ABCC2: variants seen among roughly 807,000 people sequenced by gnomAD.
The protein encoded by ABCC2 is ATP binding cassette subfamily C member 2, also known as ATP-binding cassette sub-family C member 2.
In ABCC2, 157 loss-of-function variants were observed where a neutral mutation model predicts 173.4. The observed-to-expected ratio is 0.91, with a 90% CI of 0.80 to 1.03. The LOEUF (loss-of-function observed/expected upper bound fraction) is 1.03. Ranked by LOEUF, ABCC2 falls within the 50% of genes least tolerant of loss-of-function variation. The pLI, the probability that ABCC2 is intolerant of heterozygous loss-of-function variation, is 0.00. For synonymous variants in ABCC2, 657 were observed against 693.5 expected (o/e 0.95, Z 0.83); for missense variants, 1,822 against 1,852.3 (o/e 0.98, Z 0.30).
chr10:99,784,504 A>G (rs1478817240), intron 1 of ABCC2, 104 bp from the exon 2 acceptor site: 2 of 1,188,550 alleles, frequency 1.7e-6, no homozygotes, highest in Non-Finnish European at 2.5e-6. Flanking sequence ...GGATATGGAT[A>G]TGGAGTTGAA....
At chr10:99,846,016 A>T (rs970981199) in intron 29 of ABCC2, among the ~76,000 whole-genome samples, 1 of 152,220 alleles carries the variant, frequency 6.6e-6, no homozygotes, top group Non-Finnish European at 1.5e-5. Flanking sequence ...AACACAACAG[A>T]AGTCAAGTAC....
At chr10:99,849,241 G>A (rs72838143) in intron 30 of ABCC2, among the ~76,000 whole-genome samples, 13,341 of 152,188 alleles carry the variant, frequency 0.088, 850 homozygotes, top group Middle Eastern at 0.18. Flanking sequence ...GAAAATATAT[G>A]TACACCTACT....
At chr10:99,819,568 C>T (rs1426299665) in intron 19 of ABCC2, among the ~76,000 whole-genome samples, 3 of 152,138 alleles carry the variant, frequency 2.0e-5, no homozygotes, top group African/African-American at 7.2e-5. Flanking sequence ...GGAAGAAACA[C>T]CAGTGGCACA....
Position 99,814,193 on chromosome 10 carries a change from A to ATGTGTATATATACACACG in ABCC2, c.2094+1066_2094+1067insGTGTGTATATATACACAC, listed in dbSNP as rs1564683551. On this transcript the variant is annotated intron_variant, in intron 16 of 31. Transcript: ENST00000647814. ...TATACACACATGTATGTATACACAC[A>ATGTGTATATATACACACG]TGTGTATATATACACACATGTGTAT... 1.3e-4 allele frequency among the ~76,000 whole-genome samples: 5 copies of ATGTGTATATATACACACG among 37,436 alleles called. 1 individual carries two copies. The highest frequency in any genetic ancestry group is 2.0e-4 in the African/African-American group (2 of 10,148). 24.6% of individuals were successfully genotyped at this position (37,436 alleles called of 152,430 possible). A position where few individuals can be genotyped will look rare whatever the true frequency, so the allele number is the denominator to read the frequency against.
rs187490316 is a variant in ABCC2, at chr10:99,843,856, G to T, written c.3799G>T (p.Val1267Leu). 6 of 1,614,178 alleles carry T rather than the reference G, an allele frequency of 3.7e-6. No individual in the cohort carries two copies. The African/African-American group carries it at 5.3e-5, about 14-fold the overall frequency. ...RMTSEIETNI[V>L]AVERITEYTK... is the part of the protein sequence containing the mutation. ...GACATCAGAAATAGAGACCAACATT[G>T]TGGCTGTTGAGCGAATAACTGAGTA... Residue 1267 changes from valine to leucine, a missense_variant, in exon 27 of 32, where the codon GTG (valine) becomes TTG (leucine). By Grantham distance (32) the Val-to-Leu change is conservative. Transcript: ENST00000647814.
chr10:99,851,710 A>T lies in ABCC2; in HGVS notation c.*79A>T, dbSNP rs74155707. The T allele has an allele frequency of 2.5e-4, 332 of 1,338,084 alleles. 1 individual carries two copies. The African/African-American group carries it at 4.6e-3, about 19-fold the overall frequency. 82.9% of individuals were successfully genotyped at this position (1,338,084 alleles called of 1,614,324 possible). A position where few individuals can be genotyped will look rare whatever the true frequency, so the allele number is the denominator to read the frequency against. On this transcript the variant is annotated 3_prime_UTR_variant, in exon 32 of 32. Coordinates refer to ENST00000647814, the MANE Select transcript of ABCC2 (RefSeq NM_000392.5). Reference sequence around the variant, plus strand: ...TTATTTTTTATAAAATACAGAATACATACAAAAGTGTGTATAAAATGTACG... The same window carrying T: ...TTATTTTTTATAAAATACAGAATACTTACAAAAGTGTGTATAAAATGTACG...
chr10:99,843,805 C>CA lies in ABCC2; in HGVS notation c.3751dup (p.Thr1251AsnfsTer20). 1.2e-6 allele frequency: 2 copies of CA among 1,613,918 alleles called. No individual in the cohort carries two copies. The highest frequency in any genetic ancestry group is 1.7e-6 in the Non-Finnish European group (2 of 1,179,836). ...TCTTCTGGTTTTTCTGTAGATCACA[C>CA]AAACCCTGAACTGGCTGGTGAGGAT... is the stretch of plus-strand genomic sequence containing the variant. On this transcript the variant is annotated frameshift_variant, in exon 27 of 32. Transcript: ENST00000647814. LOFTEE classifies it high-confidence loss of function.
At chr10:99,814,314 TACACACGTATGTATAC>T (rs1247265802) in intron 16 of ABCC2, among the ~76,000 whole-genome samples, 1 of 60,564 alleles carries the variant, frequency 1.7e-5, no homozygotes, top group Non-Finnish European at 3.4e-5. Flanking sequence ...CACATGTATA[TACACACGTATGTATAC>T]ACACATGTAT....
intron 16 of ABCC2, among the ~76,000 whole-genome samples, chr10:99,814,339 A>G (rs1159160283): frequency 1.4e-5 from 2 of 140,722 alleles, no homozygotes; most frequent in Non-Finnish European, 3.2e-5. Context: ...ACACACATGT[A>G]TATATACACA....
chr10:99,847,990 G>T (rs2039042256), intron 30 of ABCC2, among the ~76,000 whole-genome samples: 1 of 152,200 alleles, frequency 6.6e-6, no homozygotes, highest in Admixed American at 6.5e-5. Flanking sequence ...CACAATGTGA[G>T]CTTACACATC....
chr10:99,827,250 A>C (rs2038659807), intron 19 of ABCC2, among the ~76,000 whole-genome samples: 1 of 152,096 alleles, frequency 6.6e-6, no homozygotes, highest in Admixed American at 6.5e-5. Context: ...TGTTACGGGC[A>C]CCTGACCTGC....
chr10:99,804,348 C>A, intron 10 of ABCC2, 75 bp downstream of exon 10: 7 of 1,595,924 alleles, frequency 4.4e-6, no homozygotes, highest in Non-Finnish European at 6.0e-6. Flanking sequence ...TACTCTAATT[C>A]TTAATGGGAG....
In ABCC2 at chr10:99,836,158, C is replaced by T. The variant is rs1419843363; in HGVS notation, c.3482C>T (p.Ser1161Phe). The change falls in exon 25 of 32, where the codon TCT becomes TTT. Residue 1161 changes from serine to phenylalanine, a missense_variant. Coordinates refer to ENST00000647814, the MANE Select transcript of ABCC2 (RefSeq NM_000392.5). ...LDSVTRSPIYSHFSETVSGLP... is the reference protein window; with the variant it reads ...LDSVTRSPIYFHFSETVSGLP... Reference sequence around the variant, plus strand: ...TCTGTCACCAGGTCCCCAATCTACTCTCACTTCAGCGAGACCGTATCAGGT... The same window carrying T: ...TCTGTCACCAGGTCCCCAATCTACTTTCACTTCAGCGAGACCGTATCAGGT... The T allele has an allele frequency of 2.5e-6, 4 of 1,614,086 alleles. No homozygotes were observed. The highest frequency in any genetic ancestry group is 3.4e-6 in the Non-Finnish European group (4 of 1,180,052).
rs142715085 is a variant in ABCC2, at chr10:99,834,419, C to A, written c.3298C>A (p.Arg1100Ser). 1.7e-4 allele frequency: 271 copies of A among 1,614,008 alleles called. No homozygotes were observed. Among genetic ancestry groups the A allele is most frequent in the Middle Eastern group, 3.3e-4 (2 of 6,084 alleles). ...GGATGACACCCTGCCTCAGTCCTTG[C>A]GCAGCTGGATTACATGCTTCCTGGG... The part of the protein sequence containing the change: ...TVDDTLPQSL[R>S]SWITCFLGII... The change falls in exon 24 of 32, where the codon CGC becomes AGC. Residue 1100 changes from arginine to serine, a missense_variant. Arg to Ser is a moderately radical substitution (Grantham distance 110). Coordinates refer to ENST00000647814, the MANE Select transcript of ABCC2 (RefSeq NM_000392.5).
At chr10:99,800,664 T>C in intron 9 of ABCC2, 101 bp downstream of exon 9, 2 of 1,351,270 alleles carry the variant, frequency 1.5e-6, no homozygotes, top group Non-Finnish European at 1.1e-6. Flanking sequence ...GTAACTTATC[T>C]CAACACTTAA....
rs770712734 is a variant in ABCC2 at position 99,845,614 on chromosome 10, A to G, written c.3988-10A>G. The G allele has an allele frequency of 5.0e-6, 8 of 1,613,924 alleles. No homozygotes were observed. Among genetic ancestry groups the G allele is most frequent in the South Asian group, 4.4e-5 (4 of 91,078 alleles). ...TGTGGAACTAATGTGTAAGGGAACT[A>G]TATTCGCAGATTGGTGTGGTGGGCA... On this transcript the variant is annotated splice_polypyrimidine_tract_variant and intron_variant, in intron 28 of 31. Transcript: ENST00000647814.
chr10:99,794,188 G>T (rs1429725393), intron 5 of ABCC2, among the ~76,000 whole-genome samples, 189 bp downstream of exon 5: 3 of 152,214 alleles, frequency 2.0e-5, no homozygotes, highest in Admixed American at 6.5e-5. Context: ...CCTACCAATT[G>T]TCAGTGTAAT....
intron 6 of ABCC2, 59 bp downstream of exon 6, chr10:99,794,527 G>C: frequency 3.4e-6 from 5 of 1,475,744 alleles, no homozygotes; most frequent in Non-Finnish European, 4.7e-6. Context: ...CTCTGAAAGT[G>C]TCAGAAAGAT....
In ABCC2 at chr10:99,851,990, C is replaced by A; in HGVS notation, c.*359C>A. 1 of 194,378 alleles carries A rather than the reference C, an allele frequency of 5.1e-6. No homozygotes were observed. The highest frequency in any genetic ancestry group is 1.1e-5 in the Non-Finnish European group (1 of 93,876). The allele number at this position is 194,378 out of a possible 1,614,324, so 12.0% of individuals were successfully genotyped here. A position where few individuals can be genotyped will look rare whatever the true frequency, so the allele number is the denominator to read the frequency against. ...ACTTATGTAAATGGACTGACTCATA[C>A]TGCATACATCTTCTATGACTTGATT... On this transcript the variant is annotated 3_prime_UTR_variant, in exon 32 of 32. Transcript: ENST00000647814.
Sources: allele counts gnomAD v4.1 joint callset (sites outside exome capture counted in the v4.1 genomes callset), GRCh38; gene constraint gnomAD v4.1.1; transcripts MANE v1.5; gene names NCBI Gene and HGNC (gene_info 2026-07-23, HGNC 2026-07-21).